The following CUX1 variants were observed in gnomAD, a reference collection of about 807,000 sequenced individuals.
CUX1 encodes the protein protein CASP.
In CUX1, 31 loss-of-function variants were observed where a neutral mutation model predicts 158.8. The observed-to-expected ratio is 0.20, with a 90% confidence interval of 0.15 to 0.26. The LOEUF (loss-of-function observed/expected upper bound fraction) is 0.26, where lower values mean the gene tolerates loss of function less well. Among genes scored for constraint, CUX1 ranks in the 10% least tolerant of loss-of-function variants. The pLI, the probability that CUX1 is intolerant of heterozygous loss-of-function variation, is 1.00. For missense variants in CUX1, 1,589 were observed against 2,014.6 expected, an observed-to-expected ratio of 0.79 and a Z score of 4.04; for synonymous variants, 879 against 862.1, an observed-to-expected ratio of 1.02 and a Z score of -0.34.
chr7:102,050,082 C>T (rs1033509316), intron 3 of CUX1, among the ~76,000 whole-genome samples: 1 of 152,162 alleles, frequency 6.6e-6, no homozygotes, highest in Admixed American at 6.5e-5. Flanking sequence ...CACACCGTCT[C>T]CTGAATTTTC....
At chr7:102,102,867 G>A (rs560232615) in intron 5 of CUX1, among the ~76,000 whole-genome samples, 3 of 152,106 alleles carry the variant, frequency 2.0e-5, no homozygotes, top group East Asian at 3.9e-4. Context: ...GAGGGCGCAC[G>A]TGGAGTTGTC....
downstream of CUX1, among the ~76,000 whole-genome samples, chr7:102,260,102 G>A (rs200234105): frequency 0.029 from 2,593 of 90,594 alleles, 84 homozygotes; most frequent in African/African-American, 0.095. Context: ...ATCTTGGGGG[G>A]AAAAAAAAAA....
At chr7:102,078,568 C>T (rs1827028268) in intron 4 of CUX1, among the ~76,000 whole-genome samples, 2 of 152,132 alleles carry the variant, frequency 1.3e-5, no homozygotes, top group African/African-American at 4.8e-5. Context: ...GACACAAACC[C>T]TTCAAATATA....
At chr7:101,940,479 C>T (rs1807575145) in intron 2 of CUX1, among the ~76,000 whole-genome samples, 1 of 151,824 alleles carries the variant, frequency 6.6e-6, no homozygotes, top group Non-Finnish European at 1.5e-5. Context: ...GGGTGCAGCT[C>T]TGCCTGGAGG....
chr7:101,944,650 C>T (rs1480545743), intron 2 of CUX1, among the ~76,000 whole-genome samples: 1 of 152,216 alleles, frequency 6.6e-6, no homozygotes, highest in Non-Finnish European at 1.5e-5. Context: ...GCTAAGACAC[C>T]CTGGGTCGTT....
chr7:102,222,710 C>T (rs1411345607), intron 20 of CUX1, among the ~76,000 whole-genome samples: 1 of 151,360 alleles, frequency 6.6e-6, no homozygotes, highest in Admixed American at 6.6e-5. Context: ...GTCACTAACG[C>T]ACACTTGGGC....
intron 1 of CUX1, among the ~76,000 whole-genome samples, chr7:101,821,434 GT>G (rs1486891699): frequency 7.3e-5 from 11 of 151,568 alleles, no homozygotes; most frequent in African/African-American, 2.2e-4. Context: ...CGCCTCCCGG[GT>G]TCACACCATT....
At chr7:102,123,200 C>T (rs1423930111) in intron 8 of CUX1, among the ~76,000 whole-genome samples, 1 of 151,846 alleles carries the variant, frequency 6.6e-6, no homozygotes, top group Non-Finnish European at 1.5e-5. Context: ...CACTACACTC[C>T]AGCCTGGGCA....
intron 3 of CUX1, among the ~76,000 whole-genome samples, chr7:102,065,789 GT>G (rs58990888): frequency 3.4e-5 from 5 of 148,910 alleles, no homozygotes; most frequent in African/African-American, 4.9e-5. Context: ...ACGTGGAGTG[GT>G]TTTTTTTTTG....
intron 1 of CUX1, among the ~76,000 whole-genome samples, chr7:101,834,165 C>CTTTTTT (rs575992276): frequency 5.6e-5 from 4 of 71,080 alleles, no homozygotes; most frequent in Non-Finnish European, 8.3e-5. Context: ...CTGATTGTTT[C>CTTTTTT]TTTTTTTTTT....
At chr7:101,896,371 C>T (rs780454312) in intron 1 of CUX1, among the ~76,000 whole-genome samples, 5 of 152,080 alleles carry the variant, frequency 3.3e-5, no homozygotes, top group African/African-American at 4.8e-5. Context: ...AATCGGTGTG[C>T]GTTTGCAGAA....
At chr7:102,014,696 A>G (rs970142564) in intron 2 of CUX1, among the ~76,000 whole-genome samples, 2 of 152,132 alleles carry the variant, frequency 1.3e-5, no homozygotes, top group East Asian at 1.9e-4. Context: ...GTCTTTAAAC[A>G]TAAAATCTAG....
chr7:101,928,912 C>T (rs1414609128), intron 2 of CUX1, among the ~76,000 whole-genome samples: 20 of 143,552 alleles, frequency 1.4e-4, no homozygotes, highest in East Asian at 8.7e-4. Context: ...CCTCGTGATC[C>T]ACCCGCCTCG....
At chr7:102,039,043 C>T (rs1202482486) in intron 3 of CUX1, among the ~76,000 whole-genome samples, 3 of 152,004 alleles carry the variant, frequency 2.0e-5, no homozygotes, top group Non-Finnish European at 1.5e-5. Context: ...AGCCGGCCAT[C>T]AACAGGAAAA....
At chr7:101,969,982 CAAAAAAA>C (rs34167642) in intron 2 of CUX1, among the ~76,000 whole-genome samples, 17 of 55,658 alleles carry the variant, frequency 3.1e-4, no homozygotes, top group African/African-American at 7.8e-4. Flanking sequence ...GAGTTAGCAC[CAAAAAAA>C]AAAAAAAAAA....
chr7:102,068,345 G>A (rs1382325002), intron 3 of CUX1, among the ~76,000 whole-genome samples: 2 of 151,894 alleles, frequency 1.3e-5, no homozygotes, highest in Non-Finnish European at 2.9e-5. Flanking sequence ...TTGAACTCCC[G>A]GGCTCAAGCC....
intron 14 of CUX1, chr7:102,264,850 A>G (rs927291681): frequency 1.3e-4 from 20 of 152,584 alleles, no homozygotes; most frequent in African/African-American, 4.6e-4. Flanking sequence ...GGCCCTGCAT[A>G]TGGCCTCAAT....
At chr7:101,837,217 C>G (rs1794728954) in intron 1 of CUX1, among the ~76,000 whole-genome samples, 1 of 152,160 alleles carries the variant, frequency 6.6e-6, no homozygotes, top group African/African-American at 2.4e-5. Flanking sequence ...CTAAAGGCAG[C>G]AGAATTCCAT....
chr7:101,963,650 G>A (rs934558724), intron 2 of CUX1, among the ~76,000 whole-genome samples: 4 of 150,892 alleles, frequency 2.7e-5, no homozygotes, highest in African/African-American at 9.7e-5. Context: ...ACAAGCCTAT[G>A]TATATATATA....
Sources: allele counts gnomAD v4.1 joint callset (sites outside exome capture counted in the v4.1 genomes callset), GRCh38; gene constraint gnomAD v4.1.1; transcripts MANE v1.5; gene names NCBI Gene and HGNC (gene_info 2026-07-23, HGNC 2026-07-21).